The following RBFOX3 variants were observed in gnomAD, a reference collection of about 807,000 sequenced individuals.
The protein encoded by RBFOX3 is RNA binding protein fox-1 homolog 3.
RBFOX3 carries 17 observed loss-of-function variants against 48.7 expected under a neutral mutation model. That is an observed-to-expected ratio of 0.35 (90% CI 0.24 to 0.52). The LOEUF (loss-of-function observed/expected upper bound fraction) is 0.52. RBFOX3 is among the 20% of genes least tolerant of loss of function. The pLI is 0.94. For missense variants in RBFOX3, 382 were observed against 497.5 expected (o/e 0.77, Z 2.21); for synonymous variants, 212 against 209.5 (o/e 1.01, Z -0.10).
intron 1 of RBFOX3, among the ~76,000 whole-genome samples, chr17:79,541,444 C>T (rs1326678204): frequency 4.6e-5 from 7 of 152,302 alleles, no homozygotes; most frequent in African/African-American, 1.7e-4. Flanking sequence ...TACAATGTAC[C>T]ACCATACTTG....
chr17:79,658,469 CCTCT>C, the RBFOX3 span, among the ~76,000 whole-genome samples: 3,119 of 150,092 alleles, frequency 0.021, 130 homozygotes, highest in African/African-American at 0.074. Flanking sequence ...TCCCTCTCTC[CCTCT>C]CTCTTTCTCT....
In RBFOX3 at chr17:79,142,071, G is replaced by A. The variant is rs76204854; in HGVS notation, c.-33-26323C>T. 3.8e-3 allele frequency among the ~76,000 whole-genome samples: 576 copies of A among 152,326 alleles called. 5 individuals are homozygous for A. Among genetic ancestry groups the A allele is most frequent in the African/African-American group, 0.013 (521 of 41,570 alleles). ...AAGGTTGGTGCTGCTATCCTTTTACGATGCTTTGAAACACCGTCTGGATGA... is the reference window on the plus strand; with the variant it reads ...AAGGTTGGTGCTGCTATCCTTTTACAATGCTTTGAAACACCGTCTGGATGA... On this transcript the variant is annotated intron_variant, in intron 4 of 14. Transcript: ENST00000693108.
At chr17:79,475,841 G>T (rs1157127482) in intron 2 of RBFOX3, among the ~76,000 whole-genome samples, 2 of 152,236 alleles carry the variant, frequency 1.3e-5, no homozygotes, top group Non-Finnish European at 2.9e-5. Flanking sequence ...AGAGCCAGGA[G>T]AAAGGCCTCC....
intron 2 of RBFOX3, among the ~76,000 whole-genome samples, chr17:79,396,166 C>T (rs2061972750): frequency 6.6e-6 from 1 of 152,246 alleles, no homozygotes; most frequent in African/African-American, 2.4e-5. Context: ...ACCTGCCTCC[C>T]ACCTTCTTTT....
chr17:79,347,452 T>G (rs1479502590), intron 2 of RBFOX3, among the ~76,000 whole-genome samples: 1 of 152,160 alleles, frequency 6.6e-6, no homozygotes, highest in African/African-American at 2.4e-5. Flanking sequence ...TTTTTATTTT[T>G]CTCTCTTTGT....
intron 4 of RBFOX3, among the ~76,000 whole-genome samples, chr17:79,166,062 T>A (rs1021407701): frequency 1.4e-4 from 21 of 152,124 alleles, no homozygotes; most frequent in African/African-American, 5.1e-4. Context: ...GTTGCACAGA[T>A]CTGTACCCGG....
chr17:79,372,739 G>A (rs1204144602), intron 2 of RBFOX3, among the ~76,000 whole-genome samples: 1 of 152,158 alleles, frequency 6.6e-6, no homozygotes, highest in Non-Finnish European at 1.5e-5. Context: ...CAGAAAAAGG[G>A]GAGTCTGGGC....
At chr17:79,140,752 C>T (rs2707040) in intron 4 of RBFOX3, among the ~76,000 whole-genome samples, 128,285 of 152,264 alleles carry the variant, frequency 0.84, 55,414 homozygotes, top group Non-Finnish European at 0.94. Flanking sequence ...GGAGAAGTTC[C>T]GCAGTGGAGA....
At chr17:79,102,722 A>C (rs961957383) in intron 8 of RBFOX3, among the ~76,000 whole-genome samples, 1 of 152,144 alleles carries the variant, frequency 6.6e-6, no homozygotes, top group East Asian at 1.9e-4. Context: ...GAGTGGGGCC[A>C]AGGTGGGGGC....
rs1448576898 is a variant in RBFOX3 at position 79,363,491 on chromosome 17, CCTCAGAAGTAT to C, written c.-174-55678_-174-55668del. Reference sequence around the variant, plus strand: ...CTGCCTCCTCGGCTTTTTCAAGAAGCCTCAGAAGTATCTCAGAAGTATCTCAGATCTTCTGA... The same window carrying C: ...CTGCCTCCTCGGCTTTTTCAAGAAGCCTCAGAAGTATCTCAGATCTTCTGA... On this transcript the variant is annotated intron_variant, in intron 2 of 14. Transcript: ENST00000693108. The surrounding 1 kb of genome is among the most constrained non-coding windows in gnomAD (Gnocchi z 4.7). 2.6e-5 allele frequency among the ~76,000 whole-genome samples: 4 copies of C among 152,178 alleles called. No individual in the cohort carries two copies. Among genetic ancestry groups the C allele is most frequent in the Admixed American group, 6.5e-5 (1 of 15,292 alleles).
chr17:79,183,604 C>T (rs1441265492), intron 4 of RBFOX3: 1 of 152,352 alleles, frequency 6.6e-6, no homozygotes, highest in Non-Finnish European at 1.5e-5. Context: ...AGAATACGGC[C>T]AGAGAGTCTG....
At chr17:79,188,120 T>C (rs2053786763) in intron 4 of RBFOX3, among the ~76,000 whole-genome samples, 1 of 152,192 alleles carries the variant, frequency 6.6e-6, no homozygotes, top group South Asian at 2.1e-4. Context: ...GGTGCAGCCC[T>C]GGCAGGCGAG....
rs371163979 is a variant in RBFOX3, at chr17:79,216,008, T to C, written c.-34+19758A>G. On this transcript the variant is annotated intron_variant, in intron 4 of 14. Coordinates refer to ENST00000693108, the MANE Select transcript of RBFOX3 (RefSeq NM_001350451.2). ...GCAGCGGACGCAGGGCTGGAGCTGA[T>C]GGTCTTGGGGTCACCCAGGGGTCCA... Among the ~76,000 whole-genome samples the C allele has an allele frequency of 9.0e-4, 137 of 152,346 alleles. No homozygotes were observed. In the South Asian group the frequency reaches 0.027, roughly 29 times the overall value.
At chr17:79,190,042 A>G (rs1168185604) in intron 4 of RBFOX3, among the ~76,000 whole-genome samples, 3 of 152,254 alleles carry the variant, frequency 2.0e-5, no homozygotes, top group Admixed American at 6.5e-5. Context: ...CACTCTTGGT[A>G]CCCCCACTTG....
rs1235087176 is a variant in RBFOX3, at chr17:79,479,835, G to A, written c.-175+2619C>T. 2.6e-5 allele frequency among the ~76,000 whole-genome samples: 4 copies of A among 152,162 alleles called. No homozygotes were observed. The highest frequency in any genetic ancestry group is 2.9e-5 in the Non-Finnish European group (2 of 68,024). ...GCATGGGAGATGGTGCTACCGTCAC[G>A]GCCTGCAGGATGTCTGTACGTCAGG... On this transcript the variant is annotated intron_variant, in intron 2 of 14. Coordinates refer to ENST00000693108, the MANE Select transcript of RBFOX3 (RefSeq NM_001350451.2). The surrounding 1 kb of genome is among the most constrained non-coding windows in gnomAD (Gnocchi z 5.1).
rs1436132105 is a variant in RBFOX3, at chr17:79,479,949, C to T, written c.-175+2505G>A. Reference sequence around the variant, plus strand: ...CAGAGCATGATCTCAGGGGGTCTCTCGTCCTGCACTGAGGCCAGCCCCAAA... The same window carrying T: ...CAGAGCATGATCTCAGGGGGTCTCTTGTCCTGCACTGAGGCCAGCCCCAAA... On this transcript the variant is annotated intron_variant, in intron 2 of 14. Coordinates refer to ENST00000693108, the MANE Select transcript of RBFOX3 (RefSeq NM_001350451.2). The surrounding 1 kb of genome is among the most constrained non-coding windows in gnomAD (Gnocchi z 5.1). Among the ~76,000 whole-genome samples the T allele has an allele frequency of 2.6e-5, 4 of 152,158 alleles. No homozygotes were observed. Among genetic ancestry groups the T allele is most frequent in the Non-Finnish European group, 4.4e-5 (3 of 68,034 alleles).
At chr17:79,160,694 A>G (rs1599738070) in intron 4 of RBFOX3, among the ~76,000 whole-genome samples, 1 of 152,156 alleles carries the variant, frequency 6.6e-6, no homozygotes. Flanking sequence ...CTTAATAAAC[A>G]TCTTGGCGAG....
intron 2 of RBFOX3, among the ~76,000 whole-genome samples, chr17:79,314,806 A>G (rs1267001674): frequency 6.6e-6 from 1 of 152,218 alleles, no homozygotes; most frequent in Non-Finnish European, 1.5e-5. Context: ...GGACAGAAAT[A>G]ATAGATGCCA....
In RBFOX3 at chr17:79,117,973, G is replaced by A. The variant is rs1246590187; in HGVS notation, c.-33-2225C>T. 3.3e-5 allele frequency among the ~76,000 whole-genome samples: 5 copies of A among 152,154 alleles called. No individual in the cohort carries two copies. The East Asian group carries it at 5.8e-4, about 18-fold the overall frequency. On this transcript the variant is annotated intron_variant, in intron 4 of 14. Transcript: ENST00000693108. ...AGGCTGGGTGTTCTGCTTCAGACCC[G>A]GCCACCCCCTCCTTCTGTTTATGGC...
Sources: allele counts gnomAD v4.1 joint callset (sites outside exome capture counted in the v4.1 genomes callset), GRCh38; gene constraint gnomAD v4.1.1; non-coding constraint Gnocchi (gnomAD v3.1); transcripts MANE v1.5; gene names NCBI Gene and HGNC (gene_info 2026-07-23, HGNC 2026-07-21).